The following DLGAP1 variants were observed in gnomAD, a reference collection of about 807,000 sequenced individuals.
The protein encoded by DLGAP1 is DLG associated protein 1, also known as disks large-associated protein 1.
Under a neutral mutation model 90.8 loss-of-function variants are expected in DLGAP1, and 11 were observed. The ratio of observed to expected loss-of-function variants is 0.12; its 90% CI spans 0.08 to 0.20. The LOEUF is 0.20. Ranked by LOEUF, DLGAP1 falls within the 10% of genes least tolerant of loss-of-function variation. The pLI, the probability that DLGAP1 is intolerant of heterozygous loss-of-function variation, is 1.00. For missense variants in DLGAP1, 1,050 were observed against 1,333.8 expected, an observed-to-expected ratio of 0.79 and a Z score of 3.31; for synonymous variants, 558 against 540.7, an observed-to-expected ratio of 1.03 and a Z score of -0.44.
chr18:3,841,527 G>T (rs919294712), intron 4 of DLGAP1, among the ~76,000 whole-genome samples: 1 of 152,088 alleles, frequency 6.6e-6, no homozygotes, highest in African/African-American at 2.4e-5. Flanking sequence ...TTATTCTAAG[G>T]AGGCAGTAAA....
chr18:3,530,947 G>A (rs74597252), intron 10 of DLGAP1, among the ~76,000 whole-genome samples: 7,714 of 152,194 alleles, frequency 0.051, 333 homozygotes, highest in African/African-American at 0.12. Context: ...CAGGCAGGAG[G>A]AGCAGACTGG....
intron 7 of DLGAP1, among the ~76,000 whole-genome samples, chr18:3,674,296 A>AAAAAAAAAAAAAATATATATATAT (rs755076240): frequency 3.9e-5 from 5 of 128,992 alleles, no homozygotes; most frequent in African/African-American, 1.6e-4. Context: ...ATAATATTAA[A>AAAAAAAAAAAAAATATATATATAT]ATATATATAT....
chr18:3,758,281 C>A (rs2063801762), intron 5 of DLGAP1, among the ~76,000 whole-genome samples: 1 of 152,088 alleles, frequency 6.6e-6, no homozygotes, highest in Non-Finnish European at 1.5e-5. Context: ...GGACACTGCA[C>A]AATAAGTCTT....
At chr18:4,194,791 ATT>A (rs1257990536) in intron 1 of DLGAP1, among the ~76,000 whole-genome samples, 1 of 152,202 alleles carries the variant, frequency 6.6e-6, no homozygotes, top group African/African-American at 2.4e-5. Context: ...TAAAATAAAT[ATT>A]TTTGAGTAAC....
intron 3 of DLGAP1, among the ~76,000 whole-genome samples, chr18:3,987,040 G>A (rs1568335912): frequency 6.6e-6 from 1 of 152,092 alleles, no homozygotes. Context: ...TGCAAATAGC[G>A]CTCGTTTCCA....
chr18:3,781,760 G>T (rs1174431612), intron 5 of DLGAP1, among the ~76,000 whole-genome samples: 2 of 152,122 alleles, frequency 1.3e-5, no homozygotes, highest in African/African-American at 2.4e-5. Context: ...TTTTCAAAGG[G>T]CATTTACAAA....
chr18:4,376,808 ACAGAG>A (rs1366289296), intron 1 of DLGAP1, among the ~76,000 whole-genome samples: 23 of 152,160 alleles, frequency 1.5e-4, no homozygotes, highest in South Asian at 6.2e-4. Context: ...CTTATTGGAC[ACAGAG>A]CAGAGCCCTG....
intron 7 of DLGAP1, among the ~76,000 whole-genome samples, chr18:3,622,096 C>A (rs928768472): frequency 4.6e-5 from 7 of 151,586 alleles, no homozygotes; most frequent in Admixed American, 3.3e-4. Context: ...ACTGACTCTA[C>A]AATTAAGCTG....
At chr18:4,007,853 C>T (rs1204190214) in intron 2 of DLGAP1, among the ~76,000 whole-genome samples, 3 of 152,134 alleles carry the variant, frequency 2.0e-5, no homozygotes, top group Admixed American at 2.0e-4. Flanking sequence ...CACTCAGGAA[C>T]TCAACCTGCC....
rs146775045 is a variant in DLGAP1 at position 4,437,886 on chromosome 18, TATAAC to T, written c.-267+17115_-267+17119del. On this transcript the variant is annotated intron_variant, in intron 1 of 12. Coordinates refer to ENST00000315677, the MANE Select transcript of DLGAP1 (RefSeq NM_004746.4). Reference sequence around the variant, plus strand: ...TAATTAACATATATAGGAATTAACTTATAACATATAGTAAATATGGTTTAAAAGAT... The same window carrying T: ...TAATTAACATATATAGGAATTAACTTATATAGTAAATATGGTTTAAAAGAT... Among the ~76,000 whole-genome samples the T allele has an allele frequency of 7.1e-3, 1,087 of 152,258 alleles. 10 individuals are homozygous for T. The highest frequency in any genetic ancestry group is 0.025 in the African/African-American group (1,048 of 41,536).
chr18:3,736,257 T>C (rs750349842), intron 6 of DLGAP1, among the ~76,000 whole-genome samples: 1 of 152,232 alleles, frequency 6.6e-6, no homozygotes, highest in Non-Finnish European at 1.5e-5. Flanking sequence ...TTTCTATAAA[T>C]ACAATTCTTT....
chr18:4,053,354 T>C (rs112852705), intron 2 of DLGAP1, among the ~76,000 whole-genome samples: 16,352 of 152,134 alleles, frequency 0.11, 937 homozygotes, highest in Middle Eastern at 0.22. Context: ...GTCCCTTATA[T>C]AACCATCAGG....
intron 2 of DLGAP1, among the ~76,000 whole-genome samples, chr18:4,119,302 C>T (rs533487068): frequency 1.1e-4 from 16 of 152,230 alleles, no homozygotes; most frequent in South Asian, 8.3e-4. Context: ...CTATGTCTCA[C>T]GGGCTCTTCT....
At chr18:3,787,539 A>T (rs1010574047) in intron 5 of DLGAP1, among the ~76,000 whole-genome samples, 2 of 147,750 alleles carry the variant, frequency 1.4e-5, no homozygotes, top group Non-Finnish European at 3.0e-5. Context: ...ATGAACTTCT[A>T]TTAATATGAA....
chr18:4,280,092 C>CT (rs1485917772), intron 1 of DLGAP1, among the ~76,000 whole-genome samples: 1 of 152,088 alleles, frequency 6.6e-6, no homozygotes, highest in Non-Finnish European at 1.5e-5. Flanking sequence ...GACATACTGG[C>CT]TGTTGGTTGC....
At chr18:4,058,426 G>A (rs1054654170) in intron 2 of DLGAP1, among the ~76,000 whole-genome samples, 1 of 152,136 alleles carries the variant, frequency 6.6e-6, no homozygotes, top group Non-Finnish European at 1.5e-5. Flanking sequence ...TATACTTTTT[G>A]TTCCTGCTAT....
intron 2 of DLGAP1, among the ~76,000 whole-genome samples, chr18:4,025,128 A>C (rs1043576769): frequency 6.6e-6 from 1 of 152,172 alleles, no homozygotes; most frequent in African/African-American, 2.4e-5. Flanking sequence ...TAGAGGAAAT[A>C]AAAAAGAGTG....
intron 7 of DLGAP1, among the ~76,000 whole-genome samples, chr18:3,634,260 G>GA (rs1022000914): frequency 3.3e-5 from 5 of 151,528 alleles, no homozygotes; most frequent in Non-Finnish European, 4.4e-5. Flanking sequence ...ATATATTAAA[G>GA]AAAAAAATCA....
intron 1 of DLGAP1, among the ~76,000 whole-genome samples, chr18:4,343,142 C>T (rs1328575482): frequency 6.6e-6 from 1 of 151,728 alleles, no homozygotes; most frequent in Non-Finnish European, 1.5e-5. Flanking sequence ...TCCGTCTCTA[C>T]TAAAAATACA....
Sources: allele counts gnomAD v4.1 joint callset (sites outside exome capture counted in the v4.1 genomes callset), GRCh38; gene constraint gnomAD v4.1.1; transcripts MANE v1.5; gene names NCBI Gene and HGNC (gene_info 2026-07-23, HGNC 2026-07-21).